The following CR2 variants were observed in gnomAD, a reference collection of about 807,000 sequenced individuals.
CR2 encodes the protein complement C3d receptor 2.
A neutral mutation model predicts 123.0 loss-of-function variants in CR2; 96 were observed. That is an observed-to-expected ratio of 0.78 (90% confidence interval 0.66 to 0.93). The LOEUF (loss-of-function observed/expected upper bound fraction) is 0.93, where lower values mean the gene tolerates loss of function less well. Ranked by LOEUF, CR2 falls within the 40% of genes least tolerant of loss-of-function variation. The probability of loss-of-function intolerance (pLI) is 0.00; values close to 1 mark genes in which losing one functional copy is unlikely to be tolerated. For missense variants in CR2, 1,258 were observed against 1,361.0 expected, an observed-to-expected ratio of 0.92 and a Z score of 1.19; for synonymous variants, 484 against 469.5, an observed-to-expected ratio of 1.03 and a Z score of -0.40.
chr1:207,473,411 C>A (rs1658344596), intron 10 of CR2, 134 bp from the exon 11 acceptor site: 1 of 1,131,416 alleles, frequency 8.8e-7, no homozygotes, highest in Non-Finnish European at 1.3e-6. Context: ...GAGCAAACAG[C>A]ATTCAGTAGT....
rs549272067 is a variant in CR2, at chr1:207,454,611, T to C, written c.58+135T>C. ...GACGCGTGTCCGCCTCCCGCTAGCTTTGAGGGACCACTGCAATAAACCGCC... is the reference window on the plus strand; with the variant it reads ...GACGCGTGTCCGCCTCCCGCTAGCTCTGAGGGACCACTGCAATAAACCGCC... On this transcript the variant is annotated intron_variant, in intron 1 of 19. Coordinates refer to ENST00000367057, the MANE Select transcript of CR2 (RefSeq NM_001006658.3). This position sits in a 1 kb window ranked among gnomAD's most constrained non-coding sequence, Gnocchi z 4.3. The C allele has an allele frequency of 2.9e-6, 2 of 691,940 alleles. No homozygotes were observed. The highest frequency in any genetic ancestry group is 1.9e-5 in the African/African-American group (1 of 53,646). The allele number at this position is 691,940 out of a possible 1,614,324, so 42.9% of individuals were successfully genotyped here. A position where few individuals can be genotyped will look rare whatever the true frequency, so the allele number is the denominator to read the frequency against.
At position 207,471,403 on chromosome 1, in the gene CR2, A is replaced by G. The variant is rs372251272; in HGVS notation, c.1494-20A>G. On this transcript the variant is annotated intron_variant, in intron 8 of 19. Transcript: ENST00000367057. ...AATGGTCACCTGATGGCAAAATGAC[A>G]TACGTGACTCTGTCTCTAGGTACAA... 4 of 1,581,242 alleles carry G rather than the reference A, an allele frequency of 2.5e-6. No homozygotes were observed. The highest frequency in any genetic ancestry group is 2.6e-6 in the Non-Finnish European group (3 of 1,150,258).
chr1:207,465,238 G>A (rs909155383), intron 1 of CR2, among the ~76,000 whole-genome samples: 1 of 152,106 alleles, frequency 6.6e-6, no homozygotes, highest in Non-Finnish European at 1.5e-5. Flanking sequence ...CCTAGTTAAA[G>A]AGTTTAAAAG....
In CR2 at chr1:207,473,890, G is replaced by C. The variant is rs777912476; in HGVS notation, c.2240+5G>C. 6.2e-7 allele frequency: 1 copy of C among 1,612,874 alleles called. No individual in the cohort carries two copies. The highest frequency in any genetic ancestry group is 1.1e-5 in the South Asian group (1 of 91,074). On this transcript the variant is annotated splice_donor_5th_base_variant and intron_variant, in intron 12 of 19. Transcript: ENST00000367057. ...TAATACGTCCTGCCAAGATGGGTGA[G>C]TATGAAGTGGTCTATTCTGAGAAAA...
At chr1:207,481,724 G>T (rs1658607353) in intron 18 of CR2, among the ~76,000 whole-genome samples, 1 of 151,894 alleles carries the variant, frequency 6.6e-6, no homozygotes, top group Non-Finnish European at 1.5e-5. Context: ...AAATTTAATA[G>T]ATTACCTTAT....
rs147393483 is a variant in CR2 at position 207,469,847 on chromosome 1, C to T, written c.970C>T (p.Arg324Cys). 5.2e-4 allele frequency: 838 copies of T among 1,613,958 alleles called. 3 individuals carry two copies. The Middle Eastern group carries it at 7.3e-3, about 14-fold the overall frequency. Residue 324 changes from arginine (R) to cysteine (C), a missense_variant, in exon 6 of 20, where the codon CGT becomes TGT. Physicochemically the swap from Arg to Cys is radical, Grantham distance 180. Transcript: ENST00000367057. ...NFILIGESTL[R>C]CTVDSQKTGT... The stretch of plus-strand genomic sequence containing the variant: ...CATCCTTATTGGAGAGAGCACTCTC[C>T]GTTGTACAGTTGATAGTCAGAAGAC...
At chr1:207,464,969 C>A (rs376248357) in intron 1 of CR2, among the ~76,000 whole-genome samples, 2 of 152,062 alleles carry the variant, frequency 1.3e-5, no homozygotes, top group African/African-American at 4.8e-5. Flanking sequence ...CTCGCTCAGT[C>A]GCCCAGGCTG....
Position 207,454,799 on chromosome 1 carries a change from A to G in CR2, c.58+323A>G. On this transcript the variant is annotated intron_variant, in intron 1 of 19. Coordinates refer to ENST00000367057, the MANE Select transcript of CR2 (RefSeq NM_001006658.3). The surrounding 1 kb of genome is among the most constrained non-coding windows in gnomAD (Gnocchi z 4.3). ...CGCCCCCAGGATTCTGCAGGTGCTC[A>G]TCGCTCTCTGGCCGGCGGTCAGCGC... The G allele has an allele frequency of 3.1e-6, 1 of 321,746 alleles. No individual in the cohort carries two copies. The highest frequency in any genetic ancestry group is 5.7e-6 in the Non-Finnish European group (1 of 174,182). The allele number at this position is 321,746 out of a possible 1,614,324, so 19.9% of individuals were successfully genotyped here.
Position 207,473,129 on chromosome 1 carries a change from G to C in CR2, c.1928G>C (p.Arg643Pro). ...ACTTTGAAGGGCAGTAGTCAGATTCGTTGCAAAGCTGATAACACCTGGGAT... is the reference window on the plus strand; with the variant it reads ...ACTTTGAAGGGCAGTAGTCAGATTCCTTGCAAAGCTGATAACACCTGGGAT... ...GFTLKGSSQI[R>P]CKADNTWDPE... The change falls in exon 10 of 20, where the codon CGT becomes CCT. Residue 643 changes from arginine to proline, a missense_variant. By Grantham distance (103) the Arg-to-Pro change is moderately radical (BLOSUM62 -2). Coordinates refer to ENST00000367057, the MANE Select transcript of CR2 (RefSeq NM_001006658.3). 1.2e-6 allele frequency: 2 copies of C among 1,613,946 alleles called. No individual in the cohort carries two copies. Among genetic ancestry groups the C allele is most frequent in the Non-Finnish European group, 1.7e-6 (2 of 1,179,884 alleles).
intron 1 of CR2, among the ~76,000 whole-genome samples, chr1:207,459,452 A>G (rs1657915211): frequency 1.3e-5 from 2 of 152,108 alleles, no homozygotes; most frequent in South Asian, 2.1e-4. Flanking sequence ...ATCAGTCTCA[A>G]TAATGATTTT....
rs1423296157 is a variant in CR2, at chr1:207,477,978, A to C, written c.2996A>C (p.Glu999Ala). 1 of 1,614,040 alleles carries C rather than the reference A, an allele frequency of 6.2e-7. No homozygotes were observed. Among genetic ancestry groups the C allele is most frequent in the Non-Finnish European group, 8.5e-7 (1 of 1,179,980 alleles). The change falls in exon 16 of 20, where the codon GAG (glutamate) becomes GCG (alanine). Residue 999 changes from glutamate (E) to alanine (A), a missense_variant. Glu to Ala is a moderately radical substitution (Grantham distance 107, BLOSUM62 -1). Transcript: ENST00000367057. ...CAGTATGGAGCTGTTGTAACTCTGG[A>C]GTGTGAAGATGGGTATATGCTGGAA... ...MYQYGAVVTL[E>A]CEDGYMLEGS...
chr1:207,459,894 T>A (rs1657925090), intron 1 of CR2, among the ~76,000 whole-genome samples: 1 of 152,186 alleles, frequency 6.6e-6, no homozygotes, highest in South Asian at 2.1e-4. Context: ...CCCTTAAGTC[T>A]CCTTATTGGA....
chr1:207,466,115 C>T (rs994063132), intron 1 of CR2, among the ~76,000 whole-genome samples: 1 of 152,182 alleles, frequency 6.6e-6, no homozygotes, highest in African/African-American at 2.4e-5. Flanking sequence ...TGCCTGAGGT[C>T]ACACAGCTAT....
intron 2 of CR2, 119 bp downstream of exon 2, chr1:207,467,031 G>C: frequency 2.5e-6 from 3 of 1,223,322 alleles, no homozygotes; most frequent in East Asian, 2.5e-5. Flanking sequence ...GGTGGAAGAA[G>C]GAAACAAGGG....
At chr1:207,459,321 G>GT (rs11398940) in intron 1 of CR2, among the ~76,000 whole-genome samples, 17,126 of 144,578 alleles carry the variant, frequency 0.12, 1,061 homozygotes, top group Non-Finnish European at 0.13. Flanking sequence ...GTTTTTTGTT[G>GT]TTTTTTTTTT....
intron 18 of CR2, among the ~76,000 whole-genome samples, chr1:207,482,287 G>A (rs1658625359): frequency 6.6e-6 from 1 of 152,016 alleles, no homozygotes; most frequent in Non-Finnish European, 1.5e-5. Context: ...TAGCAAATTA[G>A]TTTATAAAGA....
rs2102318116 is a variant in CR2 at position 207,489,397 on chromosome 1, A to G, written c.*274A>G. ...CCAGGCCATGGCTATAAACAATTAC[A>G]TGGCTCTAAAAAGTTTTGCCCTTTT... On this transcript the variant is annotated 3_prime_UTR_variant, in exon 20 of 20. Coordinates refer to ENST00000367057, the MANE Select transcript of CR2 (RefSeq NM_001006658.3). 1 of 152,320 alleles carries G rather than the reference A, an allele frequency of 6.6e-6. No individual in the cohort carries two copies. The highest frequency in any genetic ancestry group is 1.9e-4 in the East Asian group (1 of 5,192). The allele number at this position is 152,320 out of a possible 1,614,324, so 9.4% of individuals were successfully genotyped here. A position where few individuals can be genotyped will look rare whatever the true frequency, so the allele number is the denominator to read the frequency against.
intron 11 of CR2, 37 bp from the exon 12 acceptor site, chr1:207,473,764 A>G (rs938257721): frequency 1.2e-5 from 19 of 1,613,602 alleles, no homozygotes; most frequent in Non-Finnish European, 1.6e-5. Flanking sequence ...GATATGAGAC[A>G]TCTATAAATA....
At chr1:207,484,162 T>A (rs187301686) in intron 18 of CR2, among the ~76,000 whole-genome samples, 8 of 152,326 alleles carry the variant, frequency 5.3e-5, no homozygotes, top group Admixed American at 5.2e-4. Flanking sequence ...GAGCACTGCA[T>A]GTGTATAAAA....
Sources: allele counts gnomAD v4.1 joint callset (sites outside exome capture counted in the v4.1 genomes callset), GRCh38; gene constraint gnomAD v4.1.1; non-coding constraint Gnocchi (gnomAD v3.1); transcripts MANE v1.5; gene names NCBI Gene and HGNC (gene_info 2026-07-23, HGNC 2026-07-21).